The following RBFOX3 variants were observed in gnomAD, a reference collection of about 807,000 sequenced individuals.
RBFOX3 encodes RNA binding protein fox-1 homolog 3.
A neutral mutation model predicts 48.7 loss-of-function variants in RBFOX3; 17 were observed. The ratio of observed to expected loss-of-function variants is 0.35; its 90% CI spans 0.24 to 0.52. The LOEUF is 0.52. Among genes scored for constraint, RBFOX3 ranks in the 20% least tolerant of loss-of-function variants. The pLI, the probability that RBFOX3 is intolerant of heterozygous loss-of-function variation, is 0.94. For synonymous variants in RBFOX3, 212 were observed against 209.5 expected, an observed-to-expected ratio of 1.01 and a Z score of -0.10; for missense variants, 382 against 497.5, an observed-to-expected ratio of 0.77 and a Z score of 2.21.
chr17:79,286,490 T>C (rs2071911250), intron 3 of RBFOX3, among the ~76,000 whole-genome samples: 1 of 152,126 alleles, frequency 6.6e-6, no homozygotes, highest in South Asian at 2.1e-4. Context: ...CAGAAAACGC[T>C]GAGATGGGGG....
chr17:79,581,156 G>A lies in RBFOX3; in HGVS notation c.-320+29670C>T, dbSNP rs1392012519. Among the ~76,000 whole-genome samples the A allele has an allele frequency of 3.3e-5, 5 of 152,330 alleles. No individual in the cohort carries two copies. The East Asian group carries it at 9.6e-4, about 29-fold the overall frequency. On this transcript the variant is annotated intron_variant, in intron 1 of 14. Transcript: ENST00000693108. ...CCAGCTACTCGGGAGGCTGAGGCAG[G>A]AGAATGGCATGAACCCAGGAGATGG... is the stretch of plus-strand genomic sequence containing the variant.
At chr17:79,170,483 G>T (rs571781941) in intron 4 of RBFOX3, among the ~76,000 whole-genome samples, 5 of 152,108 alleles carry the variant, frequency 3.3e-5, no homozygotes, top group Non-Finnish European at 7.4e-5. Context: ...TGAGGGCTGG[G>T]GGGGCAAGGC....
intron 1 of RBFOX3, among the ~76,000 whole-genome samples, chr17:79,575,109 G>T (rs1372355957): frequency 6.6e-6 from 1 of 152,248 alleles, no homozygotes; most frequent in Admixed American, 6.5e-5. Flanking sequence ...GGGTATGGGG[G>T]CTGTGAAGCC....
At chr17:79,289,197 C>T (rs1290072068) in intron 3 of RBFOX3, among the ~76,000 whole-genome samples, 7 of 152,222 alleles carry the variant, frequency 4.6e-5, no homozygotes, top group Admixed American at 2.6e-4. Flanking sequence ...CCTCTGCCCA[C>T]GTCGTAGTCT....
At chr17:79,420,125 T>TCACA (rs1362849426) in intron 2 of RBFOX3, among the ~76,000 whole-genome samples, 3,723 of 25,132 alleles carry the variant, frequency 0.15, 104 homozygotes, top group Non-Finnish European at 0.18. Flanking sequence ...AGACTCCGTC[T>TCACA]CATACACACA....
At chr17:79,290,481 T>A (rs764914486) in intron 3 of RBFOX3, among the ~76,000 whole-genome samples, 2 of 151,990 alleles carry the variant, frequency 1.3e-5, no homozygotes, top group Non-Finnish European at 2.9e-5. Flanking sequence ...ACAGCCTATG[T>A]GTGGCTCTTC....
chr17:79,490,043 C>T (rs772053124), intron 1 of RBFOX3, among the ~76,000 whole-genome samples: 8 of 152,184 alleles, frequency 5.3e-5, no homozygotes, highest in Non-Finnish European at 1.2e-4. Flanking sequence ...AATAAATGAA[C>T]CTCCTCCCCC....
chr17:79,449,179 G>T (rs114952256), intron 2 of RBFOX3, among the ~76,000 whole-genome samples: 1 of 152,048 alleles, frequency 6.6e-6, no homozygotes, highest in Admixed American at 6.5e-5. Context: ...GGAGGGGCCC[G>T]GGATGGGTTT....
intron 4 of RBFOX3, among the ~76,000 whole-genome samples, chr17:79,122,228 C>T (rs2035947557): frequency 6.6e-6 from 1 of 152,142 alleles, no homozygotes; most frequent in Non-Finnish European, 1.5e-5. Context: ...GGTCGGGCCG[C>T]CATCATCTCC....
chr17:79,171,472 C>T (rs1365373617), intron 4 of RBFOX3, among the ~76,000 whole-genome samples: 5 of 152,202 alleles, frequency 3.3e-5, no homozygotes, highest in Admixed American at 1.3e-4. Flanking sequence ...AAAGCTAACA[C>T]AGACAACACG....
chr17:79,477,834 T>C lies in RBFOX3; in HGVS notation c.-175+4620A>G, dbSNP rs2078163039. ...TTTTAGGACCCAAGTCTCCAAAGAC[T>C]GGCTCAAACTAAAGTCTTCTCATTA... On this transcript the variant is annotated intron_variant, in intron 2 of 14. Coordinates refer to ENST00000693108, the MANE Select transcript of RBFOX3 (RefSeq NM_001350451.2). This position sits in a 1 kb window ranked among gnomAD's most constrained non-coding sequence, Gnocchi z 4.8. 6.6e-6 allele frequency among the ~76,000 whole-genome samples: 1 copy of C among 152,206 alleles called. No homozygotes were observed. Among genetic ancestry groups the C allele is most frequent in the Admixed American group, 6.5e-5 (1 of 15,288 alleles).
chr17:79,654,782 A>G, the RBFOX3 span, among the ~76,000 whole-genome samples: 1 of 152,160 alleles, frequency 6.6e-6, no homozygotes, highest in Non-Finnish European at 1.5e-5. Flanking sequence ...CCACTTTGAG[A>G]GGTGGCCTTC....
intron 2 of RBFOX3, among the ~76,000 whole-genome samples, chr17:79,393,724 T>A (rs1004096054): frequency 2.7e-5 from 4 of 149,976 alleles, no homozygotes; most frequent in Non-Finnish European, 5.9e-5. Context: ...CCGGTCATCA[T>A]ACACATCATC....
At chr17:79,206,778 C>T (rs953350436) in intron 4 of RBFOX3, among the ~76,000 whole-genome samples, 1 of 152,148 alleles carries the variant, frequency 6.6e-6, no homozygotes, top group Non-Finnish European at 1.5e-5. Context: ...GTGGATGCAA[C>T]CTTCCCTCTT....
intron 4 of RBFOX3, among the ~76,000 whole-genome samples, chr17:79,229,997 G>A (rs1437664817): frequency 2.0e-5 from 3 of 152,160 alleles, no homozygotes; most frequent in Non-Finnish European, 4.4e-5. Flanking sequence ...AAAGGATTGG[G>A]TATGTCCGAC....
At chr17:79,347,877 G>A (rs139963898) in intron 2 of RBFOX3, among the ~76,000 whole-genome samples, 4 of 152,228 alleles carry the variant, frequency 2.6e-5, no homozygotes, top group Non-Finnish European at 5.9e-5. Context: ...TGTGCTTCTC[G>A]AATACCTTGT....
At chr17:79,091,998 G>A (rs1599367639) in intron 14 of RBFOX3, 1 of 985,494 alleles carries the variant, frequency 1.0e-6, no homozygotes, top group East Asian at 1.1e-4. Flanking sequence ...AATGGGGCGA[G>A]GAGGGGCAGT....
At chr17:79,154,934 C>A (rs1024146459) in intron 4 of RBFOX3, among the ~76,000 whole-genome samples, 3 of 152,146 alleles carry the variant, frequency 2.0e-5, no homozygotes, top group Non-Finnish European at 4.4e-5. Context: ...GGGTCCTGCG[C>A]CTCCCAGGAC....
At chr17:79,594,085 G>A (rs962992662) in intron 1 of RBFOX3, among the ~76,000 whole-genome samples, 2 of 152,124 alleles carry the variant, frequency 1.3e-5, no homozygotes, top group Non-Finnish European at 2.9e-5. Context: ...CAGCGCGACA[G>A]TCCCTCCTGC....
Sources: gnomAD v4.1 joint callset for allele counts (sites outside exome capture counted in the v4.1 genomes callset) on GRCh38, gnomAD v4.1.1 for gene constraint, Gnocchi (gnomAD v3.1) non-coding constraint, MANE v1.5 for transcripts, NCBI Gene and HGNC (gene_info 2026-07-23, HGNC 2026-07-21) for gene names.